The following CELF5 variants were observed in gnomAD, a reference collection of about 807,000 sequenced individuals.
CELF5 encodes CUG-BP and ETR-3 like factor 5.
In CELF5, 6 loss-of-function variants were observed where a neutral mutation model predicts 54.9. The observed-to-expected ratio is 0.11, with a 90% CI of 0.06 to 0.22. CELF5 has a LOEUF of 0.22. CELF5 is among the 10% of genes least tolerant of loss of function. The pLI is 1.00. For missense variants in CELF5, 401 were observed against 678.6 expected (o/e 0.59, Z 4.54); for synonymous variants, 271 against 290.9 (o/e 0.93, Z 0.70).
At chr19:3,238,148 G>T (rs1403315097) in intron 1 of CELF5, among the ~76,000 whole-genome samples, 2 of 152,270 alleles carry the variant, frequency 1.3e-5, no homozygotes, top group African/African-American at 4.8e-5. Flanking sequence ...GAGGTCAGGA[G>T]TTCAAGACCC....
intron 1 of CELF5, among the ~76,000 whole-genome samples, chr19:3,231,965 T>TAG (rs1163941558): frequency 6.6e-6 from 1 of 151,196 alleles, no homozygotes; most frequent in Non-Finnish European, 1.5e-5. Flanking sequence ...GATGGAATAC[T>TAG]AGATAGATGG....
chr19:3,244,893 T>C (rs1223891236), intron 1 of CELF5, among the ~76,000 whole-genome samples: 1 of 144,538 alleles, frequency 6.9e-6, no homozygotes, highest in Non-Finnish European at 1.5e-5. Context: ...CTTGTCTGCA[T>C]ATATGTGTGT....
In CELF5 at chr19:3,293,428, C is replaced by T; in HGVS notation, c.1440C>T (p.Asp480=). The change falls in exon 12 of 13, where the codon GAC becomes GAT. Residue 480 remains aspartate, a synonymous_variant. Transcript: ENST00000292672. Reference sequence around the variant, plus strand: ...AAGTCCAGCTGAAGCGGCCCAAAGACCCGGGACACCCCTACTGACCGCGCC... The same window carrying T: ...AAGTCCAGCTGAAGCGGCCCAAAGATCCGGGACACCCCTACTGACCGCGCC... ...RLKVQLKRPK[D]PGHPY The T allele has an allele frequency of 1.9e-6, 3 of 1,614,072 alleles. No individual in the cohort carries two copies. The highest frequency in any genetic ancestry group is 8.5e-7 in the Non-Finnish European group (1 of 1,179,952).
intron 2 of CELF5, among the ~76,000 whole-genome samples, chr19:3,258,985 G>A (rs1008478081): frequency 1.3e-5 from 2 of 152,158 alleles, no homozygotes; most frequent in African/African-American, 4.8e-5. Context: ...AAATGTCAGG[G>A]TGACCCAGGG....
intron 2 of CELF5, among the ~76,000 whole-genome samples, chr19:3,257,779 ATTTT>A (rs34573776): frequency 0.29 from 36,260 of 123,472 alleles, 5,964 homozygotes; most frequent in African/African-American, 0.39. Context: ...CCCAGCCTCC[ATTTT>A]TTTTTATTTA....
chr19:3,290,700 A>G lies in CELF5; in HGVS notation c.1330+326A>G, dbSNP rs539039717. ...TGCCTCAGCCTCCTAAGTAGCTGGGACTACAGGCGCCCGCCACCACACCCA... is the reference window on the plus strand; with the variant it reads ...TGCCTCAGCCTCCTAAGTAGCTGGGGCTACAGGCGCCCGCCACCACACCCA... On this transcript the variant is annotated intron_variant, in intron 11 of 12. Coordinates refer to ENST00000292672, the MANE Select transcript of CELF5 (RefSeq NM_021938.4). Among the ~76,000 whole-genome samples, 37 of 149,558 alleles carry G rather than the reference A, an allele frequency of 2.5e-4. No homozygotes were observed. The East Asian group carries it at 6.7e-3, about 27-fold the overall frequency.
At chr19:3,241,501 G>C (rs949732801) in intron 1 of CELF5, among the ~76,000 whole-genome samples, 5 of 151,910 alleles carry the variant, frequency 3.3e-5, no homozygotes, top group African/African-American at 9.7e-5. Flanking sequence ...GAACCCCAAG[G>C]CTCTCCAGGT....
intron 2 of CELF5, 136 bp downstream of exon 2, chr19:3,251,203 G>C: frequency 1.5e-6 from 1 of 655,078 alleles, no homozygotes; most frequent in African/African-American, 1.8e-5. Context: ...AGGAGCAGAG[G>C]TATAGAAATC....
At chr19:3,258,018 T>C (rs1490788345) in intron 2 of CELF5, among the ~76,000 whole-genome samples, 1 of 151,462 alleles carries the variant, frequency 6.6e-6, no homozygotes, top group Admixed American at 6.6e-5. Flanking sequence ...TGGAGTGCAA[T>C]GGCACGATCT....
intron 1 of CELF5, among the ~76,000 whole-genome samples, chr19:3,236,128 C>T (rs1457477332): frequency 2.0e-5 from 3 of 152,050 alleles, no homozygotes; most frequent in Non-Finnish European, 1.5e-5. Context: ...ACATAGGGTC[C>T]AGGAGGAGGA....
chr19:3,228,833 G>A lies in CELF5; in HGVS notation c.259+3835G>A, dbSNP rs2144967715. ...AGTTGGCACCCCTGGTGGTGGCGGG[G>A]ACAGCGGCAGGGGGCTGGGGGTGGC... On this transcript the variant is annotated intron_variant, in intron 1 of 12. Transcript: ENST00000292672. The surrounding 1 kb of genome is among the most constrained non-coding windows in gnomAD (Gnocchi z 6.0). 2.0e-5 allele frequency among the ~76,000 whole-genome samples: 3 copies of A among 152,004 alleles called. No individual in the cohort carries two copies. The Middle Eastern group carries it at 0.01, about 517-fold the overall frequency.
chr19:3,286,747 A>C (rs927448396), intron 10 of CELF5: 1 of 150,778 alleles, frequency 6.6e-6, no homozygotes, highest in East Asian at 1.9e-4. Flanking sequence ...AAAAAAAAAA[A>C]AAAAAGGCCG....
chr19:3,228,877 T>C lies in CELF5; in HGVS notation c.259+3879T>C, dbSNP rs1436954775. Among the ~76,000 whole-genome samples, 1 of 109,624 alleles carries C rather than the reference T, an allele frequency of 9.1e-6. No individual in the cohort carries two copies. The highest frequency in any genetic ancestry group is 1.8e-5 in the Non-Finnish European group (1 of 56,838). The allele number at this position is 109,624 out of a possible 152,430, so 71.9% of individuals were successfully genotyped here. A position where few individuals can be genotyped will look rare whatever the true frequency, so the allele number is the denominator to read the frequency against. On this transcript the variant is annotated intron_variant, in intron 1 of 12. Transcript: ENST00000292672. The surrounding 1 kb of genome is among the most constrained non-coding windows in gnomAD (Gnocchi z 6.0). ...GGGTGGCTGGCAGGGTTGGCCGGCG[T>C]GTGTGTGTGTGTGTGTGTGTGTGTG...
chr19:3,284,895 C>G lies in CELF5; in HGVS notation c.1040-7C>G, dbSNP rs780771451. The G allele has an allele frequency of 6.2e-7, 1 of 1,612,614 alleles. No homozygotes were observed. Among genetic ancestry groups the G allele is most frequent in the Admixed American group, 1.7e-5 (1 of 59,918 alleles). ...CCGCCCCACTCAGCCCCTCTGTCTGCCCGCAGCTCAGAGCCCGACTGTGGC... is the reference window on the plus strand; with the variant it reads ...CCGCCCCACTCAGCCCCTCTGTCTGGCCGCAGCTCAGAGCCCGACTGTGGC... On this transcript the variant is annotated splice_region_variant and splice_polypyrimidine_tract_variant and intron_variant, in intron 8 of 12. Transcript: ENST00000292672.
chr19:3,283,934 G>A (rs545386964), intron 8 of CELF5, among the ~76,000 whole-genome samples: 1 of 151,958 alleles, frequency 6.6e-6, no homozygotes, highest in East Asian at 1.9e-4. Context: ...GGGCTGAAGC[G>A]ATCCTCTCAC....
chr19:3,251,074 C>G lies in CELF5; in HGVS notation c.342+7C>G. 6.2e-7 allele frequency: 1 copy of G among 1,611,956 alleles called. No homozygotes were observed. Among genetic ancestry groups the G allele is most frequent in the Non-Finnish European group, 8.5e-7 (1 of 1,178,136 alleles). ...GCAGAAGACCTTGCCCGGAGTGAGTCCTGTGTGGTGTCTGGGGAGGAGGGG... is the reference window on the plus strand; with the variant it reads ...GCAGAAGACCTTGCCCGGAGTGAGTGCTGTGTGGTGTCTGGGGAGGAGGGG... On this transcript the variant is annotated splice_region_variant and intron_variant, in intron 2 of 12. Coordinates refer to ENST00000292672, the MANE Select transcript of CELF5 (RefSeq NM_021938.4).
chr19:3,243,178 T>C (rs950504145), intron 1 of CELF5, among the ~76,000 whole-genome samples: 7 of 152,100 alleles, frequency 4.6e-5, no homozygotes, highest in Non-Finnish European at 7.4e-5. Context: ...TCTTTTTTTC[T>C]TTGGTTTTTA....
chr19:3,262,796 G>A (rs143471148), intron 2 of CELF5, among the ~76,000 whole-genome samples: 33 of 151,938 alleles, frequency 2.2e-4, no homozygotes, highest in Admixed American at 1.4e-3. Flanking sequence ...AAAATTAGCC[G>A]GGCATGGTGG....
intron 2 of CELF5, among the ~76,000 whole-genome samples, chr19:3,255,572 A>G (rs906224519): frequency 6.6e-6 from 1 of 151,718 alleles, no homozygotes; most frequent in Non-Finnish European, 1.5e-5. Flanking sequence ...CCCAGAGCTC[A>G]TGGCCCCCAC....
Sources: gnomAD v4.1 joint callset for allele counts (sites outside exome capture counted in the v4.1 genomes callset) on GRCh38, gnomAD v4.1.1 for gene constraint, Gnocchi (gnomAD v3.1) non-coding constraint, MANE v1.5 for transcripts, NCBI Gene and HGNC (gene_info 2026-07-23, HGNC 2026-07-21) for gene names.